Variants in TNFRSF1B observed in about 807,000 individuals in gnomAD.
TNFRSF1B encodes tumor necrosis factor receptor superfamily member 1B.
In TNFRSF1B, 19 loss-of-function variants were observed where a neutral mutation model predicts 44.6. The observed-to-expected ratio is 0.43, with a 90% confidence interval of 0.30 to 0.62. TNFRSF1B has a LOEUF of 0.62. Ranked by LOEUF, TNFRSF1B falls within the 20% of genes least tolerant of loss-of-function variation. The pLI is 0.16. For missense variants in TNFRSF1B, 541 were observed against 619.9 expected, an observed-to-expected ratio of 0.87 and a Z score of 1.35; for synonymous variants, 252 against 261.1, an observed-to-expected ratio of 0.97 and a Z score of 0.34.
At chr1:12,191,236 C>CAGGGT (rs1639115185) in intron 3 of TNFRSF1B, 151 bp downstream of exon 3, 3 of 1,080,326 alleles carry the variant, frequency 2.8e-6, no homozygotes, top group Admixed American at 5.0e-5. Context: ...CTACCACTGG[C>CAGGGT]ATTTTCCTCC....
intron 2 of TNFRSF1B, 76 bp from the exon 3 acceptor site, chr1:12,190,881 T>C (rs1264137268): frequency 9.0e-6 from 14 of 1,552,622 alleles, no homozygotes; most frequent in Non-Finnish European, 1.2e-5. Flanking sequence ...CTCTGGACTT[T>C]GTGGGGACAG....
At chr1:12,192,797 A>G (rs1215960221) in intron 5 of TNFRSF1B, 66 bp from the exon 6 acceptor site, 3 of 1,406,308 alleles carry the variant, frequency 2.1e-6, no homozygotes, top group African/African-American at 1.4e-5. Flanking sequence ...GGGCCCGTGA[A>G]TGAGCCCAGC....
intron 8 of TNFRSF1B, among the ~76,000 whole-genome samples, chr1:12,195,411 C>T (rs1054088773): frequency 6.6e-6 from 1 of 152,140 alleles, no homozygotes; most frequent in Non-Finnish European, 1.5e-5. Flanking sequence ...CCAGCAGGAC[C>T]CCAGGCTCTG....
At chr1:12,203,148 AT>A (rs1639428197) in intron 9 of TNFRSF1B, among the ~76,000 whole-genome samples, 1 of 152,226 alleles carries the variant, frequency 6.6e-6, no homozygotes, top group Non-Finnish European at 1.5e-5. Context: ...GGGAATGACC[AT>A]GAACTTGGGT....
At position 12,169,542 on chromosome 1, in the gene TNFRSF1B, T is replaced by C. The variant is rs113362032; in HGVS notation, c.78+2373T>C. On this transcript the variant is annotated intron_variant, in intron 1 of 9. Transcript: ENST00000376259. This position sits in a 1 kb window ranked among gnomAD's most constrained non-coding sequence, Gnocchi z 4.5. ...TTTCACTGCACCCTCCCCGTGCCCG[T>C]ATCTGCACTCATGCTCCCAGCCAGG... Among the ~76,000 whole-genome samples the C allele has an allele frequency of 6.3e-4, 96 of 152,300 alleles. 1 individual carries two copies. Among genetic ancestry groups the C allele is most frequent in the African/African-American group, 2.1e-3 (88 of 41,572 alleles).
intron 1 of TNFRSF1B, among the ~76,000 whole-genome samples, chr1:12,172,941 C>T (rs5745960): frequency 4.9e-4 from 75 of 152,344 alleles, no homozygotes; most frequent in Admixed American, 8.5e-4. Context: ...AAACCTCTTC[C>T]ATCTCCAACC....
At chr1:12,206,196 C>T (rs1639498349) in intron 9 of TNFRSF1B, among the ~76,000 whole-genome samples, 1 of 151,946 alleles carries the variant, frequency 6.6e-6, no homozygotes, top group South Asian at 2.1e-4. Flanking sequence ...GAGACCAACC[C>T]AGGCAACCTG....
intron 1 of TNFRSF1B, among the ~76,000 whole-genome samples, chr1:12,179,380 T>G (rs1290155478): frequency 6.6e-6 from 1 of 152,188 alleles, no homozygotes; most frequent in Non-Finnish European, 1.5e-5. Flanking sequence ...ATGGGGCTCC[T>G]GTGAACCCCC....
At chr1:12,189,387 T>C (rs1459960293) in intron 2 of TNFRSF1B, among the ~76,000 whole-genome samples, 1 of 152,192 alleles carries the variant, frequency 6.6e-6, no homozygotes, top group Non-Finnish European at 1.5e-5. Flanking sequence ...GGGCAGAGAT[T>C]GTGGCTTGTT....
chr1:12,185,625 C>T (rs931212459), intron 1 of TNFRSF1B, among the ~76,000 whole-genome samples: 3 of 152,234 alleles, frequency 2.0e-5, no homozygotes, highest in African/African-American at 4.8e-5. Context: ...AGCATGGTTC[C>T]CACTGCCCGT....
At chr1:12,179,845 T>C (rs1015489389) in intron 1 of TNFRSF1B, among the ~76,000 whole-genome samples, 5 of 152,180 alleles carry the variant, frequency 3.3e-5, no homozygotes, top group Non-Finnish European at 5.9e-5. Flanking sequence ...CTGACCTCAT[T>C]GCGTTAGTGC....
chr1:12,173,922 C>T (rs974037198), intron 1 of TNFRSF1B, among the ~76,000 whole-genome samples: 11 of 152,048 alleles, frequency 7.2e-5, no homozygotes, highest in South Asian at 2.1e-4. Flanking sequence ...CTGTGAGCCC[C>T]GGAGGAGGAA....
intron 1 of TNFRSF1B, among the ~76,000 whole-genome samples, chr1:12,188,114 C>T (rs552962048): frequency 4.0e-4 from 61 of 152,250 alleles, no homozygotes; most frequent in African/African-American, 1.3e-3. Context: ...GCCGGCTCTA[C>T]GGTGGGTCCC....
intron 2 of TNFRSF1B, among the ~76,000 whole-genome samples, chr1:12,190,095 C>A (rs1557632924): frequency 6.6e-6 from 1 of 152,092 alleles, no homozygotes; most frequent in Non-Finnish European, 1.5e-5. Flanking sequence ...TGAGCCGTTA[C>A]CTTGAGATGT....
At chr1:12,182,270 G>C (rs1188866904) in intron 1 of TNFRSF1B, among the ~76,000 whole-genome samples, 5 of 152,130 alleles carry the variant, frequency 3.3e-5, no homozygotes, top group Non-Finnish European at 7.4e-5. Flanking sequence ...CATGAAGCAG[G>C]CTTCTAGTAG....
intron 8 of TNFRSF1B, among the ~76,000 whole-genome samples, chr1:12,200,864 G>A (rs937993286): frequency 6.6e-5 from 10 of 152,012 alleles, no homozygotes; most frequent in East Asian, 3.9e-4. Context: ...CAGGTGATCC[G>A]CCTGCCTCAG....
chr1:12,198,392 C>T (rs889621544), intron 8 of TNFRSF1B, among the ~76,000 whole-genome samples: 26 of 152,270 alleles, frequency 1.7e-4, no homozygotes, highest in Admixed American at 6.5e-4. Flanking sequence ...CTAATGATCA[C>T]GGCCTGGGAC....
rs778714973 is a variant in TNFRSF1B at position 12,191,531 on chromosome 1, C to T, written c.308-243C>T. 1.8e-4 allele frequency among the ~76,000 whole-genome samples: 26 copies of T among 145,262 alleles called. No homozygotes were observed. In the South Asian group the frequency reaches 3.1e-3, roughly 18 times the overall value. The stretch of plus-strand genomic sequence containing the variant: ...GGAGCGGGACTGCGGGGGACGAGCG[C>T]GACTGCGGGGGACGAGCAGGACTGC... On this transcript the variant is annotated intron_variant, in intron 3 of 9. Transcript: ENST00000376259.
Position 12,193,042 on chromosome 1 carries a change from C to T in TNFRSF1B, c.731C>T (p.Pro244Leu), listed in dbSNP as rs1639184764. 3 of 1,614,122 alleles carry T rather than the reference C, an allele frequency of 1.9e-6. No individual in the cohort carries two copies. Among genetic ancestry groups the T allele is most frequent in the Non-Finnish European group, 2.5e-6 (3 of 1,180,044 alleles). ...GCTCCAAGCACCTCCTTCCTGCTCC[C>T]AATGGGCCCCAGCCCCCCAGCTGAA... ...STAPSTSFLL[P>L]MGPSPPAEGS... is the part of the protein sequence containing the mutation. The change falls in exon 6 of 10, where the codon CCA becomes CTA. Residue 244 changes from proline to leucine, a missense_variant. Transcript: ENST00000376259.
Sources: allele counts gnomAD v4.1 joint callset (sites outside exome capture counted in the v4.1 genomes callset), GRCh38; gene constraint gnomAD v4.1.1; non-coding constraint Gnocchi (gnomAD v3.1); transcripts MANE v1.5; gene names NCBI Gene and HGNC (gene_info 2026-07-23, HGNC 2026-07-21).